STXBP3: variants seen among roughly 807,000 people sequenced by gnomAD.
STXBP3 encodes the protein syntaxin-binding protein 3.
Under a neutral mutation model 85.7 loss-of-function variants are expected in STXBP3, and 41 were observed. That is an observed-to-expected ratio of 0.48 (90% CI 0.37 to 0.62). STXBP3 has a LOEUF of 0.62. Among genes scored for constraint, STXBP3 ranks in the 20% least tolerant of loss-of-function variants. The pLI, the probability that STXBP3 is intolerant of heterozygous loss-of-function variation, is 0.00. For missense variants in STXBP3, 563 were observed against 703.1 expected, an observed-to-expected ratio of 0.80 and a Z score of 2.25; for synonymous variants, 229 against 231.7, an observed-to-expected ratio of 0.99 and a Z score of 0.10.
intron 1 of STXBP3, among the ~76,000 whole-genome samples, chr1:108,749,935 A>G (rs1661866370): frequency 6.6e-6 from 1 of 152,194 alleles, no homozygotes; most frequent in African/African-American, 2.4e-5. Flanking sequence ...AGTTTTTTAC[A>G]TTCCTTTTTT....
chr1:108,772,046 A>C (rs115598121), intron 6 of STXBP3, among the ~76,000 whole-genome samples: 38 of 103,954 alleles, frequency 3.7e-4, no homozygotes, highest in Non-Finnish European at 5.6e-4. Flanking sequence ...TGATATCTAT[A>C]TATCATATAT....
chr1:108,784,563 A>C (rs982972034), intron 11 of STXBP3, among the ~76,000 whole-genome samples: 8 of 152,200 alleles, frequency 5.3e-5, no homozygotes, highest in Non-Finnish European at 1.0e-4. Context: ...AGGGAAACAG[A>C]GCCAAACCGT....
At chr1:108,782,571 G>T (rs1662738684) in intron 10 of STXBP3, 54 bp downstream of exon 10, 1 of 1,597,986 alleles carries the variant, frequency 6.3e-7, no homozygotes, top group Non-Finnish European at 8.5e-7. Flanking sequence ...CTATGTGATA[G>T]TACATTTTGT....
At chr1:108,762,227 A>G (rs1294622808) in intron 6 of STXBP3, among the ~76,000 whole-genome samples, 3 of 152,226 alleles carry the variant, frequency 2.0e-5, no homozygotes, top group Non-Finnish European at 4.4e-5. Flanking sequence ...CTATAAAGAG[A>G]TTAAAAAGTA....
Position 108,806,392 on chromosome 1 carries a change from TG to T in STXBP3, c.1536-1006del, listed in dbSNP as rs367775721. Among the ~76,000 whole-genome samples, 181 of 152,250 alleles carry T rather than the reference TG, an allele frequency of 1.2e-3. 3 individuals carry two copies. In the South Asian group the frequency reaches 0.036, roughly 31 times the overall value. On this transcript the variant is annotated intron_variant, in intron 17 of 18. Transcript: ENST00000370008. ...CCTCATGTGGCTAGTGGCTACTATA[TG>T]GGATTCTGGGGATCTAGAGCAATCT...
chr1:108,780,764 C>CTTTTTTTT (rs36126153), intron 9 of STXBP3: 2 of 137,094 alleles, frequency 1.5e-5, no homozygotes, highest in African/African-American at 2.7e-5. Flanking sequence ...TTTAAATTTA[C>CTTTTTTTT]TTTTTTTTTT....
Position 108,774,597 on chromosome 1 carries a change from C to G in STXBP3, c.594-1736C>G, listed in dbSNP as rs186915581. On this transcript the variant is annotated intron_variant, in intron 7 of 18. Coordinates refer to ENST00000370008, the MANE Select transcript of STXBP3 (RefSeq NM_007269.4). ...GGTATTACCAGACAAGCTCTTTATT[C>G]ATACCTTGGGTATTAGAAACATTCT... Among the ~76,000 whole-genome samples, 356 of 150,164 alleles carry G rather than the reference C, an allele frequency of 2.4e-3. 3 individuals carry two copies. The highest frequency in any genetic ancestry group is 5.1e-3 in the African/African-American group (207 of 40,982).
intron 7 of STXBP3, 36 bp downstream of exon 7, chr1:108,772,855 T>C: frequency 6.8e-7 from 1 of 1,475,638 alleles, no homozygotes; most frequent in Non-Finnish European, 9.1e-7. Context: ...TTATGCTTCC[T>C]ATTTACCATT....
chr1:108,761,143 T>A (rs1662132422), intron 6 of STXBP3, among the ~76,000 whole-genome samples: 1 of 152,174 alleles, frequency 6.6e-6, no homozygotes, highest in Non-Finnish European at 1.5e-5. Flanking sequence ...TGACCTCAGG[T>A]GATCCAGTAT....
chr1:108,770,816 C>T (rs1662376223), intron 6 of STXBP3, among the ~76,000 whole-genome samples: 1 of 152,044 alleles, frequency 6.6e-6, no homozygotes, highest in Admixed American at 6.6e-5. Context: ...GTTCTTTGTA[C>T]ATAAGTAAAT....
At chr1:108,785,741 A>C (rs1168834251) in intron 11 of STXBP3, among the ~76,000 whole-genome samples, 2 of 152,186 alleles carry the variant, frequency 1.3e-5, no homozygotes, top group Admixed American at 1.3e-4. Context: ...TTCTTCTGCC[A>C]GATAACCCTA....
intron 11 of STXBP3, among the ~76,000 whole-genome samples, chr1:108,785,630 A>G (rs1662809301): frequency 6.6e-6 from 1 of 151,920 alleles, no homozygotes; most frequent in Non-Finnish European, 1.5e-5. Context: ...GCCAGCTTGA[A>G]TTTCTCCCCC....
chr1:108,780,604 G>A (rs1662696616), intron 9 of STXBP3: 1 of 145,594 alleles, frequency 6.9e-6, no homozygotes. Flanking sequence ...CCTGACCTCA[G>A]GTGATCCCCC....
At chr1:108,797,014 A>G (rs555211374) in intron 15 of STXBP3, among the ~76,000 whole-genome samples, 2 of 152,208 alleles carry the variant, frequency 1.3e-5, no homozygotes, top group Admixed American at 6.5e-5. Context: ...GTAACCTTTA[A>G]CTATAATATG....
chr1:108,793,010 C>T (rs1273180476), intron 11 of STXBP3, among the ~76,000 whole-genome samples: 1 of 152,068 alleles, frequency 6.6e-6, no homozygotes, highest in African/African-American at 2.4e-5. Flanking sequence ...CTTTACTACA[C>T]CTTTGAGGGT....
intron 1 of STXBP3, among the ~76,000 whole-genome samples, chr1:108,749,725 A>G (rs913872169): frequency 6.6e-6 from 1 of 152,186 alleles, no homozygotes; most frequent in Non-Finnish European, 1.5e-5. Context: ...CTTTTAGACA[A>G]TAACACTGAC....
At chr1:108,761,414 G>C (rs555367371) in intron 6 of STXBP3, among the ~76,000 whole-genome samples, 1 of 152,094 alleles carries the variant, frequency 6.6e-6, no homozygotes, top group African/African-American at 2.4e-5. Context: ...AGAACATCTC[G>C]CTTCACAGAA....
chr1:108,796,766 T>G (rs781478210), intron 15 of STXBP3, 40 bp downstream of exon 15: 2 of 1,519,276 alleles, frequency 1.3e-6, no homozygotes, highest in Non-Finnish European at 1.8e-6. Flanking sequence ...TATATGTATG[T>G]GTATGTATGG....
rs1327568599 is a variant in STXBP3, at chr1:108,807,442, A to G, written c.1577A>G (p.Lys526Arg). The G allele has an allele frequency of 2.5e-6, 4 of 1,612,620 alleles. No homozygotes were observed. The highest frequency in any genetic ancestry group is 3.4e-6 in the Non-Finnish European group (4 of 1,179,728). Residue 526 changes from lysine to arginine, a missense_variant, in exon 18 of 19, where the codon AAA becomes AGA. Transcript: ENST00000370008. ...AGAGCTAATTATTTAGAAGACCGAAAAAATGGGTCAAAGCTGATTGTTTTT... is the reference window on the plus strand; with the variant it reads ...AGAGCTAATTATTTAGAAGACCGAAGAAATGGGTCAAAGCTGATTGTTTTT... ...KPRANYLEDR[K>R]NGSKLIVFVI...
Sources: gnomAD v4.1 joint callset for allele counts (sites outside exome capture counted in the v4.1 genomes callset) on GRCh38, gnomAD v4.1.1 for gene constraint, MANE v1.5 for transcripts, NCBI Gene and HGNC (gene_info 2026-07-23, HGNC 2026-07-21) for gene names.